The following PRKN variants were observed in gnomAD, a reference collection of about 807,000 sequenced individuals.
PRKN encodes parkin RBR E3 ubiquitin protein ligase.
In PRKN, 56 loss-of-function variants were observed where a neutral mutation model predicts 59.5. That is an observed-to-expected ratio of 0.94 (90% CI 0.76 to 1.18). The LOEUF (loss-of-function observed/expected upper bound fraction) is 1.18. Ranked by LOEUF, PRKN falls within the 50% of genes most tolerant of loss-of-function variation. PRKN has a pLI of 0.00. For missense variants in PRKN, 657 were observed against 596.4 expected (o/e 1.10, Z -1.06); for synonymous variants, 250 against 222.1 (o/e 1.13, Z -1.12).
intron 2 of PRKN, among the ~76,000 whole-genome samples, chr6:162,373,494 T>C (rs1413161373): frequency 1.3e-5 from 2 of 152,140 alleles, no homozygotes; most frequent in African/African-American, 4.8e-5. Context: ...GGGTAAGGGA[T>C]TGATTTTTTT....
intron 7 of PRKN, among the ~76,000 whole-genome samples, chr6:161,599,808 C>T (rs1782044232): frequency 6.6e-6 from 1 of 152,172 alleles, no homozygotes; most frequent in South Asian, 2.1e-4. Flanking sequence ...CAAACACTCC[C>T]AAAGTATTTT....
In PRKN at chr6:161,668,452, G is replaced by A. The variant is rs139857388; in HGVS notation, c.872-99036C>T. ...TGAACAAAGCATAATATGAGTACAG[G>A]AAAAACCCATCTATGGATTCTATGC... On this transcript the variant is annotated intron_variant, in intron 7 of 11. Transcript: ENST00000366898. Among the ~76,000 whole-genome samples, 31 of 152,116 alleles carry A rather than the reference G, an allele frequency of 2.0e-4. No individual in the cohort carries two copies. The East Asian group carries it at 6.0e-3, about 29-fold the overall frequency.
At chr6:162,361,179 T>C (rs1266857140) in intron 2 of PRKN, among the ~76,000 whole-genome samples, 1 of 152,072 alleles carries the variant, frequency 6.6e-6, no homozygotes, top group Non-Finnish European at 1.5e-5. Flanking sequence ...GATGGCTACA[T>C]TTTTACTTCA....
chr6:162,393,593 C>T (rs533443114), intron 2 of PRKN, among the ~76,000 whole-genome samples: 3 of 152,262 alleles, frequency 2.0e-5, no homozygotes, highest in Non-Finnish European at 2.9e-5. Flanking sequence ...CATAATACCA[C>T]CAACTACCAC....
chr6:161,932,839 A>G (rs1779216513), intron 6 of PRKN, among the ~76,000 whole-genome samples: 1 of 152,184 alleles, frequency 6.6e-6, no homozygotes, highest in African/African-American at 2.4e-5. Context: ...TTTTTCAAGA[A>G]CAAAGACTGG....
Position 161,721,116 on chromosome 6 carries a change from C to T in PRKN, c.871+64656G>A, listed in dbSNP as rs575627703. On this transcript the variant is annotated intron_variant, in intron 7 of 11. Coordinates refer to ENST00000366898, the MANE Select transcript of PRKN (RefSeq NM_004562.3). ...GGTCCCTCAAGTTTATAAAGTTTGT[C>T]GTTTGGGAAAGATAAATTGTTATTG... Among the ~76,000 whole-genome samples the T allele has an allele frequency of 3.9e-5, 6 of 152,212 alleles. No homozygotes were observed. In the South Asian group the frequency reaches 6.2e-4, roughly 16 times the overall value.
At chr6:162,630,337 G>A (rs1783058526) in intron 1 of PRKN, among the ~76,000 whole-genome samples, 1 of 152,090 alleles carries the variant, frequency 6.6e-6, no homozygotes, top group Admixed American at 6.6e-5. Context: ...CAGAAAAGCT[G>A]CTATCAATTA....
intron 7 of PRKN, among the ~76,000 whole-genome samples, chr6:161,749,049 G>C (rs1481648650): frequency 6.6e-6 from 1 of 152,152 alleles, no homozygotes; most frequent in Admixed American, 6.5e-5. Flanking sequence ...ACCAAGGGGA[G>C]GGGGTCCTTG....
intron 1 of PRKN, among the ~76,000 whole-genome samples, chr6:162,703,786 T>A (rs185562770): frequency 6.6e-6 from 1 of 152,260 alleles, no homozygotes; most frequent in Admixed American, 6.5e-5. Flanking sequence ...GGTTGGCAAA[T>A]ATATTTCCAT....
At chr6:162,270,070 C>T (rs1045263856) in intron 2 of PRKN, 8 of 152,158 alleles carry the variant, frequency 5.3e-5, no homozygotes, top group African/African-American at 7.2e-5. Flanking sequence ...TACTTGCACA[C>T]GCAAGTTTAT....
At chr6:161,610,960 G>A (rs1782467593) in intron 7 of PRKN, among the ~76,000 whole-genome samples, 1 of 152,162 alleles carries the variant, frequency 6.6e-6, no homozygotes, top group African/African-American at 2.4e-5. Context: ...ATTATAAAGG[G>A]CAGTTACTGG....
intron 7 of PRKN, among the ~76,000 whole-genome samples, chr6:161,589,238 G>A (rs1276429606): frequency 2.0e-5 from 3 of 152,212 alleles, no homozygotes; most frequent in African/African-American, 7.2e-5. Context: ...TGCTGAGAGC[G>A]CCTGTGCTTC....
At chr6:162,268,603 T>A (rs1780237743) in intron 2 of PRKN, among the ~76,000 whole-genome samples, 1 of 152,192 alleles carries the variant, frequency 6.6e-6, no homozygotes, top group Non-Finnish European at 1.5e-5. Flanking sequence ...TAATGCTGTT[T>A]TACAGATTAC....
At chr6:162,154,601 G>C (rs1272088231) in intron 4 of PRKN, among the ~76,000 whole-genome samples, 1 of 151,716 alleles carries the variant, frequency 6.6e-6, no homozygotes, top group Non-Finnish European at 1.5e-5. Context: ...ATTATCCTCA[G>C]CATCTGTTAG....
chr6:161,438,970 T>C (rs1358378077), intron 9 of PRKN, among the ~76,000 whole-genome samples: 2 of 152,240 alleles, frequency 1.3e-5, no homozygotes, highest in East Asian at 1.9e-4. Context: ...AAATGGAAAC[T>C]GTTCTTTTAG....
At chr6:161,730,202 C>CGA (rs202184589) in intron 7 of PRKN, among the ~76,000 whole-genome samples, 10 of 145,244 alleles carry the variant, frequency 6.9e-5, no homozygotes, top group South Asian at 6.5e-4. Context: ...TGCATTCTTT[C>CGA]TGTGTTGCAT....
chr6:162,460,380 C>A (rs1326357087), intron 1 of PRKN, among the ~76,000 whole-genome samples: 4 of 152,130 alleles, frequency 2.6e-5, no homozygotes, highest in African/African-American at 9.7e-5. Context: ...TGGGGAGAAA[C>A]AGGAGTTACT....
At chr6:162,430,231 A>G (rs943113046) in intron 2 of PRKN, among the ~76,000 whole-genome samples, 1 of 152,104 alleles carries the variant, frequency 6.6e-6, no homozygotes, top group Admixed American at 6.6e-5. Flanking sequence ...GGGGTGTTAC[A>G]ACGTACAAGG....
chr6:161,409,070 C>T lies in PRKN; in HGVS notation c.1084-22193G>A, dbSNP rs1168230875. 6.6e-6 allele frequency among the ~76,000 whole-genome samples: 1 copy of T among 152,114 alleles called. No individual in the cohort carries two copies. The highest frequency in any genetic ancestry group is 1.9e-4 in the East Asian group (1 of 5,192). ...AAGCGATTCTCCTGCCTCAGCCTCC[C>T]AAGTAACTAGGACTACAGGCTCCCA... On this transcript the variant is annotated intron_variant, in intron 9 of 11. Transcript: ENST00000366898. The surrounding 1 kb of genome is among the most constrained non-coding windows in gnomAD (Gnocchi z 4.6).
Sources: gnomAD v4.1 joint callset for allele counts (sites outside exome capture counted in the v4.1 genomes callset) on GRCh38, gnomAD v4.1.1 for gene constraint, Gnocchi (gnomAD v3.1) non-coding constraint, MANE v1.5 for transcripts, NCBI Gene and HGNC (gene_info 2026-07-23, HGNC 2026-07-21) for gene names.